The following MAF variants were observed in gnomAD, a reference collection of about 807,000 sequenced individuals.
MAF encodes the protein MAF bZIP transcription factor, also known as transcription factor Maf.
A neutral mutation model predicts 22.0 loss-of-function variants in MAF; 10 were observed. The observed-to-expected ratio is 0.45, with a 90% CI of 0.28 to 0.77. The LOEUF is 0.77. Among genes scored for constraint, MAF ranks in the 30% least tolerant of loss-of-function variants. The probability of loss-of-function intolerance (pLI) is 0.12; values close to 1 mark genes in which losing one functional copy is unlikely to be tolerated. For synonymous variants in MAF, 337 were observed against 255.8 expected (o/e 1.32, Z -3.03); for missense variants, 544 against 548.4 (o/e 0.99, Z 0.08).
the MAF span, among the ~76,000 whole-genome samples, chr16:79,439,352 C>G: frequency 6.6e-6 from 1 of 150,486 alleles, no homozygotes; most frequent in Non-Finnish European, 1.5e-5. Flanking sequence ...AGCTCTGCCT[C>G]CCGGGTTCAT....
chr16:79,449,311 T>C, the MAF span, among the ~76,000 whole-genome samples: 1 of 152,224 alleles, frequency 6.6e-6, no homozygotes, highest in South Asian at 2.1e-4. Context: ...GGTACTGGTC[T>C]GTGGCCCGAA....
the MAF span, among the ~76,000 whole-genome samples, chr16:79,362,088 A>G: frequency 2.0e-5 from 3 of 152,210 alleles, no homozygotes; most frequent in Non-Finnish European, 4.4e-5. Flanking sequence ...CCACTTACCT[A>G]TCTGTGATAT....
chr16:79,317,403 C>G, the MAF span, among the ~76,000 whole-genome samples: 1 of 145,330 alleles, frequency 6.9e-6, no homozygotes, highest in Admixed American at 6.9e-5. Context: ...TCTTTCCTTC[C>G]ATCTCTCCCT....
the MAF span, among the ~76,000 whole-genome samples, chr16:79,361,259 T>C: frequency 1.3e-5 from 2 of 152,148 alleles, no homozygotes; most frequent in African/African-American, 4.8e-5. Context: ...TGGGTTGTCA[T>C]TTAACTTTAA....
chr16:79,546,012 C>G, the MAF span, among the ~76,000 whole-genome samples: 1 of 151,618 alleles, frequency 6.6e-6, no homozygotes, highest in East Asian at 1.9e-4. Context: ...ACATTATACA[C>G]CATAAATATA....
chr16:79,507,323 A>T, the MAF span, among the ~76,000 whole-genome samples: 1 of 150,270 alleles, frequency 6.7e-6, no homozygotes, highest in Non-Finnish European at 1.5e-5. Flanking sequence ...TCATTGTGTC[A>T]GCGAGGATGG....
chr16:79,519,123 G>A, the MAF span, among the ~76,000 whole-genome samples: 114 of 152,182 alleles, frequency 7.5e-4, 1 homozygote, highest in South Asian at 0.023. Flanking sequence ...TATCTTGGTT[G>A]ATCCTCACAA....
chr16:79,513,014 C>T, the MAF span, among the ~76,000 whole-genome samples: 1 of 152,202 alleles, frequency 6.6e-6, no homozygotes, highest in Admixed American at 6.5e-5. Context: ...CTAGGTCTGC[C>T]CAGAGGGAGT....
At chr16:79,518,897 T>G in the MAF span, among the ~76,000 whole-genome samples, 1 of 152,070 alleles carries the variant, frequency 6.6e-6, no homozygotes, top group South Asian at 2.1e-4. Flanking sequence ...TGCAGTCCAG[T>G]CTGGGTGACA....
the MAF span, among the ~76,000 whole-genome samples, chr16:79,426,263 G>A: frequency 1.3e-4 from 20 of 151,954 alleles, no homozygotes; most frequent in South Asian, 2.1e-4. Context: ...GCCGGATTTC[G>A]AAGACTTGGT....
chr16:79,562,909 G>T, the MAF span, among the ~76,000 whole-genome samples: 1 of 152,104 alleles, frequency 6.6e-6, no homozygotes, highest in East Asian at 1.9e-4. Context: ...TTCTTTTTCA[G>T]ATCCAAATCA....
At chr16:79,518,372 G>A in the MAF span, among the ~76,000 whole-genome samples, 33 of 152,186 alleles carry the variant, frequency 2.2e-4, no homozygotes, top group Non-Finnish European at 4.4e-4. Flanking sequence ...CTCCCTGGCT[G>A]GCTGGAGAAG....
chr16:79,405,471 T>G, the MAF span, among the ~76,000 whole-genome samples: 1 of 152,234 alleles, frequency 6.6e-6, no homozygotes, highest in African/African-American at 2.4e-5. Flanking sequence ...ACAATGCCAC[T>G]GAACAACTTT....
the MAF span, among the ~76,000 whole-genome samples, chr16:79,337,751 A>G: frequency 2.0e-5 from 3 of 152,204 alleles, no homozygotes; most frequent in Non-Finnish European, 4.4e-5. Flanking sequence ...TCTCTTTCTC[A>G]GCATAGTGGC....
the MAF span, among the ~76,000 whole-genome samples, chr16:79,285,308 C>T: frequency 1.0e-3 from 158 of 152,196 alleles, no homozygotes; most frequent in African/African-American, 3.5e-3. Flanking sequence ...ATAATATATA[C>T]GGCCCCGCTT....
chr16:79,241,060 T>C, the MAF span, among the ~76,000 whole-genome samples: 1 of 151,910 alleles, frequency 6.6e-6, no homozygotes, highest in African/African-American at 2.4e-5. Context: ...AGACCAAAGG[T>C]AGGTAAATCC....
the MAF span, among the ~76,000 whole-genome samples, chr16:79,295,313 C>A: frequency 6.6e-6 from 1 of 152,132 alleles, no homozygotes; most frequent in African/African-American, 2.4e-5. Context: ...GTGAATCGGG[C>A]GGCCTTCTGA....
the MAF span, among the ~76,000 whole-genome samples, chr16:79,290,286 C>A: frequency 2.0e-5 from 3 of 152,200 alleles, no homozygotes; most frequent in African/African-American, 7.2e-5. Context: ...GAGCTTTTAT[C>A]TGATGAGAGA....
chr16:79,565,624 G>A, the MAF span, among the ~76,000 whole-genome samples: 2 of 152,020 alleles, frequency 1.3e-5, no homozygotes, highest in Admixed American at 6.6e-5. Context: ...TTTTCCCTTC[G>A]CTCAGCACTT....
Sources: gnomAD v4.1 joint callset for allele counts (sites outside exome capture counted in the v4.1 genomes callset) on GRCh38, gnomAD v4.1.1 for gene constraint, MANE v1.5 for transcripts, NCBI Gene and HGNC (gene_info 2026-07-23, HGNC 2026-07-21) for gene names.